NRXN1: variants seen among roughly 807,000 people sequenced by gnomAD.
The protein encoded by NRXN1 is neurexin 1.
A neutral mutation model predicts 150.9 loss-of-function variants in NRXN1; 39 were observed. The observed-to-expected ratio is 0.26, with a 90% confidence interval of 0.20 to 0.34. The LOEUF is 0.34. NRXN1 is among the 10% of genes least tolerant of loss of function. The pLI, the probability that NRXN1 is intolerant of heterozygous loss-of-function variation, is 1.00. For synonymous variants in NRXN1, 924 were observed against 757.0 expected (o/e 1.22, Z -3.62); for missense variants, 1,815 against 1,949.9 (o/e 0.93, Z 1.30).
At chr2:50,125,794 T>C (rs901470444) in intron 18 of NRXN1, among the ~76,000 whole-genome samples, 3 of 152,092 alleles carry the variant, frequency 2.0e-5, no homozygotes, top group African/African-American at 7.2e-5. Flanking sequence ...CATACACATA[T>C]GCCCACACTC....
intron 5 of NRXN1, among the ~76,000 whole-genome samples, chr2:50,799,778 T>C (rs533423098): frequency 6.6e-6 from 1 of 152,230 alleles, no homozygotes; most frequent in African/African-American, 2.4e-5. Flanking sequence ...TAAATGCATT[T>C]TTCACTGGGC....
intron 17 of NRXN1, among the ~76,000 whole-genome samples, chr2:50,455,450 T>TA (rs1485497479): frequency 6.6e-6 from 1 of 152,156 alleles, no homozygotes; most frequent in East Asian, 1.9e-4. Context: ...GATTTAATTT[T>TA]AAAATCCTTA....
At chr2:50,487,547 C>T (rs1247450563) in intron 15 of NRXN1, among the ~76,000 whole-genome samples, 2 of 152,188 alleles carry the variant, frequency 1.3e-5, no homozygotes, top group Non-Finnish European at 2.9e-5. Context: ...ATAAAGATGG[C>T]AGATTTAGCT....
chr2:50,379,180 G>C (rs2080758640), intron 17 of NRXN1, among the ~76,000 whole-genome samples: 1 of 152,136 alleles, frequency 6.6e-6, no homozygotes, highest in South Asian at 2.1e-4. Context: ...AGATAAAAGA[G>C]ATGAACAGAG....
chr2:50,430,667 T>C (rs1468230112), intron 17 of NRXN1, among the ~76,000 whole-genome samples: 1 of 152,238 alleles, frequency 6.6e-6, no homozygotes, highest in Non-Finnish European at 1.5e-5. Context: ...TCTTTCTCTA[T>C]AGGCTTGTGT....
At position 50,495,943 on chromosome 2, in the gene NRXN1, G is replaced by A. The variant is rs199980022; in HGVS notation, c.3032C>T (p.Thr1011Met). ...HTVKIDTKIT[T>M]QITAGARNLD... ...GTTCCTGGCTCCGGCGGTGATTTGC[G>A]TTGTGATTTTTGTGTCAATCTTTAC... The change falls in exon 15 of 23, where the codon ACG becomes ATG. Residue 1011 changes from threonine (T) to methionine (M), a missense_variant. By Grantham distance (81) the Thr-to-Met change is moderately conservative. Coordinates refer to ENST00000401669, the MANE Select transcript of NRXN1 (RefSeq NM_001330078.2). The A allele has an allele frequency of 2.2e-5, 35 of 1,610,564 alleles. No individual in the cohort carries two copies. Among genetic ancestry groups the A allele is most frequent in the Admixed American group, 5.0e-5 (3 of 59,510 alleles).
At chr2:49,994,763 G>A (rs1682647543) in intron 21 of NRXN1, among the ~76,000 whole-genome samples, 1 of 152,154 alleles carries the variant, frequency 6.6e-6, no homozygotes, top group Non-Finnish European at 1.5e-5. Context: ...ATAATTATTT[G>A]ATGATACAGT....
At chr2:50,098,995 G>C (rs544250073) in intron 18 of NRXN1, among the ~76,000 whole-genome samples, 1 of 151,434 alleles carries the variant, frequency 6.6e-6, no homozygotes, top group African/African-American at 2.4e-5. Context: ...TTAAAAAACA[G>C]CCTTTTCATT....
chr2:50,939,339 T>C (rs1402423729), intron 2 of NRXN1, among the ~76,000 whole-genome samples: 1 of 152,022 alleles, frequency 6.6e-6, no homozygotes, highest in Non-Finnish European at 1.5e-5. Context: ...AAACTATTGT[T>C]TCATGATATA....
chr2:50,569,326 G>A (rs992237729), intron 8 of NRXN1, among the ~76,000 whole-genome samples: 1 of 152,054 alleles, frequency 6.6e-6, no homozygotes, highest in Non-Finnish European at 1.5e-5. Flanking sequence ...AAGGATAAAT[G>A]CTTGAGGTGA....
intron 5 of NRXN1, among the ~76,000 whole-genome samples, chr2:50,853,990 T>C (rs1385358449): frequency 6.6e-6 from 1 of 152,074 alleles, no homozygotes; most frequent in African/African-American, 2.4e-5. Flanking sequence ...TTAATGAAAT[T>C]TTCCCATTGA....
chr2:50,251,358 A>C (rs1023942684), intron 17 of NRXN1, among the ~76,000 whole-genome samples: 1 of 126,980 alleles, frequency 7.9e-6, no homozygotes, highest in African/African-American at 2.9e-5. Flanking sequence ...AGAAGACACG[A>C]TCTCAGTCCT....
At chr2:50,090,636 TAA>T (rs1361923646) in intron 19 of NRXN1, among the ~76,000 whole-genome samples, 1 of 152,178 alleles carries the variant, frequency 6.6e-6, no homozygotes, top group African/African-American at 2.4e-5. Flanking sequence ...TTCAATAACA[TAA>T]TATTGATAAA....
At chr2:49,984,856 G>T (rs1487304443) in intron 21 of NRXN1, among the ~76,000 whole-genome samples, 1 of 152,096 alleles carries the variant, frequency 6.6e-6, no homozygotes, top group Non-Finnish European at 1.5e-5. Context: ...AGTTCCACAT[G>T]TCCACCTAAG....
At chr2:50,872,837 G>A (rs1411323542) in intron 5 of NRXN1, among the ~76,000 whole-genome samples, 15 of 151,644 alleles carry the variant, frequency 9.9e-5, no homozygotes, top group African/African-American at 3.6e-4. Context: ...GTGTGGTGGT[G>A]CATTCCTGTA....
intron 17 of NRXN1, among the ~76,000 whole-genome samples, chr2:50,359,010 A>G (rs895883310): frequency 1.3e-5 from 2 of 152,210 alleles, no homozygotes. Context: ...AAAGTAACAG[A>G]AAGGAAAACA....
rs150231056 is a variant in NRXN1, at chr2:50,067,497, G to T, written c.3719-12453C>A. Among the ~76,000 whole-genome samples, 19 of 152,224 alleles carry T rather than the reference G, an allele frequency of 1.2e-4. No homozygotes were observed. The East Asian group carries it at 3.3e-3, about 26-fold the overall frequency. On this transcript the variant is annotated intron_variant, in intron 19 of 22. Transcript: ENST00000401669. ...ATGCTGTTTGTTTCCCATTGCAAAG[G>T]CACTGGAGTATCATATCAAAAACCA...
chr2:50,501,084 G>A (rs958012669), intron 13 of NRXN1, among the ~76,000 whole-genome samples: 2 of 152,210 alleles, frequency 1.3e-5, no homozygotes, highest in Non-Finnish European at 1.5e-5. Flanking sequence ...GTTGGTAAAT[G>A]TGAAATGGAA....
chr2:50,762,869 G>C (rs1701967336), intron 5 of NRXN1, among the ~76,000 whole-genome samples: 1 of 151,884 alleles, frequency 6.6e-6, no homozygotes, highest in Admixed American at 6.6e-5. Flanking sequence ...TCCTAGCCCA[G>C]TTTTCTAAGT....
Sources: allele counts gnomAD v4.1 joint callset (sites outside exome capture counted in the v4.1 genomes callset), GRCh38; gene constraint gnomAD v4.1.1; transcripts MANE v1.5; gene names NCBI Gene and HGNC (gene_info 2026-07-23, HGNC 2026-07-21).